The following TSPEAR variants were observed in gnomAD, a reference collection of about 807,000 sequenced individuals.
TSPEAR encodes thrombospondin type laminin G domain and EAR repeats, also known as thrombospondin-type laminin G domain and EAR repeat-containing protein.
A neutral mutation model predicts 71.6 loss-of-function variants in TSPEAR; 69 were observed. The observed-to-expected ratio is 0.96, with a 90% CI of 0.79 to 1.18. TSPEAR has a LOEUF of 1.18. TSPEAR is among the 50% of genes most tolerant of loss of function. The pLI is 0.00. For missense variants in TSPEAR, 971 were observed against 894.9 expected (o/e 1.09, Z -1.09); for synonymous variants, 402 against 387.2 (o/e 1.04, Z -0.45).
rs139615216 is a variant in TSPEAR, at chr21:44,678,217, C to G, written c.82+33216G>C. 960 of 357,866 alleles carry G rather than the reference C, an allele frequency of 2.7e-3. 3 individuals carry two copies. The highest frequency in any genetic ancestry group is 8.0e-3 in the Middle Eastern group (10 of 1,244). 22.2% of individuals were successfully genotyped at this position (357,866 alleles called of 1,614,324 possible). Reference sequence around the variant, plus strand: ...ATTGATATGGTTTGGATCTGTGTCCCCACCCAAACTTGAAATGTAATCCCC... The same window carrying G: ...ATTGATATGGTTTGGATCTGTGTCCGCACCCAAACTTGAAATGTAATCCCC... On this transcript the variant is annotated intron_variant, in intron 1 of 11. Coordinates refer to ENST00000323084, the MANE Select transcript of TSPEAR (RefSeq NM_144991.3).
Position 44,547,072 on chromosome 21 carries a change from C to T in TSPEAR, c.304-13149G>A, listed in dbSNP as rs144098484. ...ATTTTTCTCCATTCTCACATCTACTCCCCTTTGTCTCAGCTACTCCTCAGA... is the reference window on the plus strand; with the variant it reads ...ATTTTTCTCCATTCTCACATCTACTTCCCTTTGTCTCAGCTACTCCTCAGA... On this transcript the variant is annotated intron_variant, in intron 2 of 11. Transcript: ENST00000323084. 9.8e-3 allele frequency among the ~76,000 whole-genome samples: 1,495 copies of T among 152,346 alleles called. 21 individuals are homozygous for T. The highest frequency in any genetic ancestry group is 0.034 in the African/African-American group (1,420 of 41,568).
rs1988173641 is a variant in TSPEAR, at chr21:44,710,650, T to G, written c.82+783A>C. Reference sequence around the variant, plus strand: ...TGATAGCCGTGCTGCGGAGCCTGAGTGCTGGAGTCACTAATTTACTGTCCA... The same window carrying G: ...TGATAGCCGTGCTGCGGAGCCTGAGGGCTGGAGTCACTAATTTACTGTCCA... On this transcript the variant is annotated intron_variant, in intron 1 of 11. Coordinates refer to ENST00000323084, the MANE Select transcript of TSPEAR (RefSeq NM_144991.3). The surrounding 1 kb of genome is among the most constrained non-coding windows in gnomAD (Gnocchi z 4.6). Among the ~76,000 whole-genome samples the G allele has an allele frequency of 6.6e-6, 1 of 152,180 alleles. No individual in the cohort carries two copies. Among genetic ancestry groups the G allele is most frequent in the Admixed American group, 6.5e-5 (1 of 15,286 alleles).
At position 44,711,403 on chromosome 21, in the gene TSPEAR, C is replaced by A. The variant is rs147552192; in HGVS notation, c.82+30G>T. 6.4e-7 allele frequency: 1 copy of A among 1,562,180 alleles called. No individual in the cohort carries two copies. Among genetic ancestry groups the A allele is most frequent in the Admixed American group, 1.9e-5 (1 of 52,328 alleles). ...CCTCCCAGCTCCCCGGCAAGATACC[C>A]CCGCCCGAGTTCCCATGCCCCTGCC... On this transcript the variant is annotated intron_variant, in intron 1 of 11. Coordinates refer to ENST00000323084, the MANE Select transcript of TSPEAR (RefSeq NM_144991.3). The surrounding 1 kb of genome is among the most constrained non-coding windows in gnomAD (Gnocchi z 4.5).
At chr21:44,650,319 G>C (rs1438884932) in intron 1 of TSPEAR, among the ~76,000 whole-genome samples, 1 of 152,076 alleles carries the variant, frequency 6.6e-6, no homozygotes. Flanking sequence ...TCAAGTTGAA[G>C]TGAAGTCATT....
chr21:44,584,116 A>T (rs1321381740), intron 1 of TSPEAR, among the ~76,000 whole-genome samples: 1 of 152,110 alleles, frequency 6.6e-6, no homozygotes, highest in Non-Finnish European at 1.5e-5. Flanking sequence ...GCCCCTGTGA[A>T]CCCCCACTCT....
At chr21:44,645,039 A>G (rs1984234612) in intron 1 of TSPEAR, among the ~76,000 whole-genome samples, 1 of 152,222 alleles carries the variant, frequency 6.6e-6, no homozygotes, top group Admixed American at 6.5e-5. Flanking sequence ...ATTTTGAGGA[A>G]AAGTAATTTA....
At chr21:44,548,298 G>A (rs1365572853) in intron 2 of TSPEAR, among the ~76,000 whole-genome samples, 1 of 152,222 alleles carries the variant, frequency 6.6e-6, no homozygotes, top group Non-Finnish European at 1.5e-5. Flanking sequence ...TGGGGAGTGG[G>A]GGATGGGGCA....
At chr21:44,511,263 T>C (rs2052366405) in intron 9 of TSPEAR, among the ~76,000 whole-genome samples, 1 of 152,198 alleles carries the variant, frequency 6.6e-6, no homozygotes, top group Admixed American at 6.5e-5. Flanking sequence ...CACACCTGCA[T>C]GTATGCATAC....
At chr21:44,504,512 T>C (rs1395011682) in intron 11 of TSPEAR, among the ~76,000 whole-genome samples, 1 of 141,350 alleles carries the variant, frequency 7.1e-6, no homozygotes, top group Non-Finnish European at 1.5e-5. Flanking sequence ...GAAGCAAGGC[T>C]CTGGGAGGAG....
intron 7 of TSPEAR, 143 bp downstream of exon 7, chr21:44,527,149 A>G (rs2052872749): frequency 1.3e-6 from 1 of 772,662 alleles, no homozygotes; most frequent in Non-Finnish European, 2.1e-6. Context: ...CACGTGTGCG[A>G]CTCTGTCAGC....
intron 2 of TSPEAR, among the ~76,000 whole-genome samples, chr21:44,543,779 C>T (rs192552726): frequency 1.8e-4 from 27 of 152,300 alleles, no homozygotes; most frequent in African/African-American, 3.9e-4. Flanking sequence ...CCTTGGAGCT[C>T]GGAGAAAGCA....
chr21:44,611,975 G>A (rs1471967379), intron 1 of TSPEAR: 3 of 994,852 alleles, frequency 3.0e-6, no homozygotes, highest in Non-Finnish European at 4.5e-6. Flanking sequence ...CCACAACAAG[G>A]AAAGGGAAGG....
At chr21:44,512,788 G>A (rs1555912898) in intron 9 of TSPEAR, among the ~76,000 whole-genome samples, 1 of 152,212 alleles carries the variant, frequency 6.6e-6, no homozygotes, top group African/African-American at 2.4e-5. Flanking sequence ...TCAGCTGTGG[G>A]GGTGGGCATG....
intron 1 of TSPEAR, chr21:44,677,594 A>T: frequency 9.6e-7 from 1 of 1,044,130 alleles, no homozygotes; most frequent in Non-Finnish European, 1.5e-6. Flanking sequence ...GTTTTCCTTC[A>T]TCAATTGCAG....
At chr21:44,600,742 T>C in intron 1 of TSPEAR, 2 of 1,611,306 alleles carry the variant, frequency 1.2e-6, no homozygotes, top group Non-Finnish European at 1.7e-6. Flanking sequence ...CCCAGAGAGC[T>C]GCTGCGAGCC....
chr21:44,589,340 T>C (rs1357929951), intron 1 of TSPEAR, among the ~76,000 whole-genome samples: 1 of 152,210 alleles, frequency 6.6e-6, no homozygotes, highest in Non-Finnish European at 1.5e-5. Flanking sequence ...GGCTGTGTTT[T>C]GCTTTGTCCT....
At chr21:44,521,214 T>A (rs1251497248) in intron 9 of TSPEAR, among the ~76,000 whole-genome samples, 1 of 152,194 alleles carries the variant, frequency 6.6e-6, no homozygotes, top group Non-Finnish European at 1.5e-5. Flanking sequence ...TGGGCTCACA[T>A]AGAGGCTGAG....
Position 44,506,118 on chromosome 21 carries a change from C to T in TSPEAR, c.1755-1237G>A, listed in dbSNP as rs2052194453. Among the ~76,000 whole-genome samples the T allele has an allele frequency of 6.6e-6, 1 of 152,220 alleles. No individual in the cohort carries two copies. The highest frequency in any genetic ancestry group is 6.5e-5 in the Admixed American group (1 of 15,290). The stretch of plus-strand genomic sequence containing the variant: ...CAGGACCTGCTCGTTCACAGATGTT[C>T]TCCTAGAAGCAGAAGCTGTTTCTTG... On this transcript the variant is annotated intron_variant, in intron 10 of 11. Transcript: ENST00000323084. The surrounding 1 kb of genome is among the most constrained non-coding windows in gnomAD (Gnocchi z 4.2).
At chr21:44,557,436 C>T (rs2053550485) in intron 2 of TSPEAR, among the ~76,000 whole-genome samples, 1 of 152,014 alleles carries the variant, frequency 6.6e-6, no homozygotes, top group African/African-American at 2.4e-5. Flanking sequence ...AAAATGTCTT[C>T]CAGGAATGAG....
Sources: allele counts gnomAD v4.1 joint callset (sites outside exome capture counted in the v4.1 genomes callset), GRCh38; gene constraint gnomAD v4.1.1; non-coding constraint Gnocchi (gnomAD v3.1); transcripts MANE v1.5; gene names NCBI Gene and HGNC (gene_info 2026-07-23, HGNC 2026-07-21).